CNTN4: variants seen among roughly 807,000 people sequenced by gnomAD.
CNTN4 encodes the protein contactin-4.
In CNTN4, 77 loss-of-function variants were observed where a neutral mutation model predicts 122.5. That is an observed-to-expected ratio of 0.63 (90% CI 0.52 to 0.76). The LOEUF (loss-of-function observed/expected upper bound fraction) is 0.76, where lower values mean the gene tolerates loss of function less well. Ranked by LOEUF, CNTN4 falls within the 30% of genes least tolerant of loss-of-function variation. The probability of loss-of-function intolerance (pLI) is 0.00; values close to 1 mark genes in which losing one functional copy is unlikely to be tolerated. For missense variants in CNTN4, 1,256 were observed against 1,259.1 expected (o/e 1.00, Z 0.04); for synonymous variants, 512 against 447.0 (o/e 1.15, Z -1.83).
chr3:2,345,586 G>C (rs1235554469), intron 3 of CNTN4, among the ~76,000 whole-genome samples: 1 of 152,180 alleles, frequency 6.6e-6, no homozygotes, highest in East Asian at 1.9e-4. Context: ...GTACATGCCA[G>C]AACATGTATT....
At chr3:2,939,643 T>C (rs2094595937) in intron 13 of CNTN4, among the ~76,000 whole-genome samples, 1 of 152,206 alleles carries the variant, frequency 6.6e-6, no homozygotes, top group Admixed American at 6.5e-5. Flanking sequence ...ATGGGATGTA[T>C]TCCTCCAAGC....
intron 2 of CNTN4, among the ~76,000 whole-genome samples, chr3:2,261,282 C>A (rs967251624): frequency 6.6e-6 from 1 of 152,042 alleles, no homozygotes; most frequent in Non-Finnish European, 1.5e-5. Flanking sequence ...ATAGAACCTG[C>A]CAATTAAATT....
chr3:2,438,219 T>C (rs2151261091), intron 3 of CNTN4, among the ~76,000 whole-genome samples: 1 of 152,306 alleles, frequency 6.6e-6, no homozygotes, highest in Non-Finnish European at 1.5e-5. Flanking sequence ...TATTCCTTTA[T>C]TTTAAAACTG....
chr3:2,929,764 C>A (rs1204122279), intron 13 of CNTN4, among the ~76,000 whole-genome samples: 1 of 152,172 alleles, frequency 6.6e-6, no homozygotes, highest in Non-Finnish European at 1.5e-5. Context: ...ATCAGGCAGA[C>A]GTGAGTCATG....
At chr3:2,149,354 T>C (rs2035394004) in intron 2 of CNTN4, among the ~76,000 whole-genome samples, 1 of 152,166 alleles carries the variant, frequency 6.6e-6, no homozygotes. Context: ...TGAGGGTAAG[T>C]TCAATGGCAA....
rs1239804559 is a variant in CNTN4 at position 2,550,162 on chromosome 3, T to C, written c.-88-21254T>C. Among the ~76,000 whole-genome samples, 4 of 152,272 alleles carry C rather than the reference T, an allele frequency of 2.6e-5. No individual in the cohort carries two copies. The South Asian group carries it at 6.2e-4, about 24-fold the overall frequency. Reference sequence around the variant, plus strand: ...TTCAAAAAACCAGTTCCTGGAGTCATTGATTTTTTGAAGGGTTTTTCATGT... The same window carrying C: ...TTCAAAAAACCAGTTCCTGGAGTCACTGATTTTTTGAAGGGTTTTTCATGT... On this transcript the variant is annotated intron_variant, in intron 3 of 24. Transcript: ENST00000418658.
chr3:2,584,045 A>G (rs564316326), intron 4 of CNTN4, among the ~76,000 whole-genome samples: 1 of 152,216 alleles, frequency 6.6e-6, no homozygotes, highest in Non-Finnish European at 1.5e-5. Flanking sequence ...TGCTCAGTGT[A>G]TGAGCTTGAG....
intron 7 of CNTN4, among the ~76,000 whole-genome samples, chr3:2,826,371 T>A (rs1446511950): frequency 6.6e-6 from 1 of 152,156 alleles, no homozygotes; most frequent in Non-Finnish European, 1.5e-5. Flanking sequence ...TATGCAAACC[T>A]CTCCAGGGTT....
chr3:3,020,172 C>A (rs1698160218), intron 14 of CNTN4, among the ~76,000 whole-genome samples: 1 of 152,000 alleles, frequency 6.6e-6, no homozygotes, highest in Non-Finnish European at 1.5e-5. Flanking sequence ...TATAGTACTT[C>A]AAGATTCAAG....
At chr3:2,233,752 C>G (rs560138214) in intron 2 of CNTN4, among the ~76,000 whole-genome samples, 1 of 151,990 alleles carries the variant, frequency 6.6e-6, no homozygotes, top group African/African-American at 2.4e-5. Flanking sequence ...TAGCTTACTC[C>G]TCTAATTTTG....
At chr3:2,936,419 C>T (rs747372227) in intron 13 of CNTN4, among the ~76,000 whole-genome samples, 2 of 152,154 alleles carry the variant, frequency 1.3e-5, no homozygotes, top group Admixed American at 6.5e-5. Context: ...AATCAGAATA[C>T]TTGTTTCCCA....
At chr3:2,859,949 C>T (rs1461492853) in intron 7 of CNTN4, among the ~76,000 whole-genome samples, 1 of 152,170 alleles carries the variant, frequency 6.6e-6, no homozygotes, top group Non-Finnish European at 1.5e-5. Context: ...ATAAGTCATA[C>T]TCAAACATAT....
At chr3:2,445,568 C>T (rs376620039) in intron 3 of CNTN4, among the ~76,000 whole-genome samples, 1 of 152,204 alleles carries the variant, frequency 6.6e-6, no homozygotes, top group African/African-American at 2.4e-5. Context: ...TTATAATTCT[C>T]TTTGCTTGAA....
intron 2 of CNTN4, among the ~76,000 whole-genome samples, chr3:2,318,469 A>G (rs956282096): frequency 1.3e-5 from 2 of 152,088 alleles, no homozygotes; most frequent in Admixed American, 1.3e-4. Flanking sequence ...TGAAATGACT[A>G]TATTCTTCTT....
At chr3:2,248,153 C>T (rs150798382) in intron 2 of CNTN4, among the ~76,000 whole-genome samples, 70 of 152,026 alleles carry the variant, frequency 4.6e-4, no homozygotes, top group Middle Eastern at 3.4e-3. Context: ...AATAGGTACT[C>T]AGTTAGTAAT....
chr3:2,996,144 T>G (rs1274077345), intron 14 of CNTN4, among the ~76,000 whole-genome samples: 1 of 152,162 alleles, frequency 6.6e-6, no homozygotes, highest in African/African-American at 2.4e-5. Context: ...TGAAAGGACT[T>G]TAGCTGTATT....
rs371876603 is a variant in CNTN4, at chr3:2,784,904, T to C, written c.359-34582T>C. On this transcript the variant is annotated intron_variant, in intron 6 of 24. Transcript: ENST00000418658. ...ACAGAAGTAAGTGCTGGTATGAGTA[T>C]AGGGAAGATTTTAAACTAATGAGTT... Among the ~76,000 whole-genome samples, 15 of 152,304 alleles carry C rather than the reference T, an allele frequency of 9.8e-5. 2 individuals are homozygous for C. The highest frequency in any genetic ancestry group is 1.3e-4 in the Admixed American group (2 of 15,304).
intron 4 of CNTN4, among the ~76,000 whole-genome samples, chr3:2,727,815 C>G (rs1044730668): frequency 2.0e-5 from 3 of 152,206 alleles, no homozygotes; most frequent in African/African-American, 7.2e-5. Flanking sequence ...TGCCTTCAGA[C>G]ATACACCAGC....
At chr3:2,155,485 C>G (rs534116199) in intron 2 of CNTN4, among the ~76,000 whole-genome samples, 11 of 151,684 alleles carry the variant, frequency 7.3e-5, no homozygotes, top group African/African-American at 2.7e-4. Flanking sequence ...TTACAGAACA[C>G]AGCTCTTTTT....
Sources: gnomAD v4.1 joint callset for allele counts (sites outside exome capture counted in the v4.1 genomes callset) on GRCh38, gnomAD v4.1.1 for gene constraint, MANE v1.5 for transcripts, NCBI Gene and HGNC (gene_info 2026-07-23, HGNC 2026-07-21) for gene names.